Variants in DNASE1 observed in about 807,000 individuals in gnomAD.
DNASE1 encodes the protein deoxyribonuclease-1.
A neutral mutation model predicts 33.9 loss-of-function variants in DNASE1; 40 were observed. The observed-to-expected ratio is 1.18, with a 90% CI of 0.92 to 1.54. DNASE1 has a LOEUF of 1.54. Among genes scored for constraint, DNASE1 ranks in the 40% most tolerant of loss-of-function variants. The pLI, the probability that DNASE1 is intolerant of heterozygous loss-of-function variation, is 0.00. For missense variants in DNASE1, 518 were observed against 372.6 expected, an observed-to-expected ratio of 1.39 and a Z score of -3.21; for synonymous variants, 216 against 160.0, an observed-to-expected ratio of 1.35 and a Z score of -2.64.
At chr16:3,634,861 G>C (rs1054439559) in intron 1 of DNASE1, among the ~76,000 whole-genome samples, 8 of 152,104 alleles carry the variant, frequency 5.3e-5, no homozygotes, top group African/African-American at 1.7e-4. Context: ...ATGTGGCCCA[G>C]GCTAGAGTGC....
chr16:3,661,898 C>A (rs1464349946), downstream of DNASE1: 2 of 1,465,512 alleles, frequency 1.4e-6, no homozygotes, highest in Non-Finnish European at 1.8e-6. Context: ...ACGCACTTTT[C>A]TTCTGTGTCA....
intron 1 of DNASE1, among the ~76,000 whole-genome samples, chr16:3,626,532 A>T (rs2041516247): frequency 6.6e-6 from 1 of 152,084 alleles, no homozygotes; most frequent in Non-Finnish European, 1.5e-5. Context: ...TTGTTTTGTG[A>T]CTTTTATGGC....
chr16:3,614,204 G>A (rs773845416), intron 1 of DNASE1, among the ~76,000 whole-genome samples: 19 of 151,768 alleles, frequency 1.3e-4, no homozygotes, highest in Non-Finnish European at 1.8e-4. Flanking sequence ...GAGCCACCGC[G>A]CCCGGCGTAA....
chr16:3,620,205 C>G (rs140816412), intron 1 of DNASE1, among the ~76,000 whole-genome samples: 2 of 152,142 alleles, frequency 1.3e-5, no homozygotes, highest in Admixed American at 1.3e-4. Flanking sequence ...CATGAGCCAC[C>G]TCGCCAGGCC....
chr16:3,656,311 G>A, intron 4 of DNASE1, 126 bp downstream of exon 4: 2 of 1,090,768 alleles, frequency 1.8e-6, no homozygotes, highest in Non-Finnish European at 2.7e-6. Context: ...AGGGTCCAGG[G>A]TGGAGTGAAA....
chr16:3,637,700 T>TC (rs1444031878), intron 1 of DNASE1, among the ~76,000 whole-genome samples: 1 of 152,214 alleles, frequency 6.6e-6, no homozygotes, highest in East Asian at 1.9e-4. Flanking sequence ...ATGGCTGCTT[T>TC]CCCCCTCCCC....
At chr16:3,634,135 T>A (rs538182483) in intron 1 of DNASE1, among the ~76,000 whole-genome samples, 1 of 151,696 alleles carries the variant, frequency 6.6e-6, no homozygotes, top group South Asian at 2.1e-4. Context: ...GACAGCAATA[T>A]CATAAGGGAC....
At chr16:3,662,909 C>T (rs748175619), downstream of DNASE1, 79 of 1,613,376 alleles carry the variant, frequency 4.9e-5, no homozygotes, top group Non-Finnish European at 6.4e-5. Context: ...GCGACCCCAG[C>T]ACATTTCTCA....
downstream of DNASE1, chr16:3,662,588 T>C (rs989259922): frequency 1.6e-6 from 1 of 617,342 alleles, no homozygotes; most frequent in Admixed American, 2.1e-5. Flanking sequence ...ATGTCCCTTG[T>C]TTGGAACCCC....
At chr16:3,614,650 A>AG (rs1358920006) in intron 1 of DNASE1, among the ~76,000 whole-genome samples, 2 of 152,176 alleles carry the variant, frequency 1.3e-5, no homozygotes, top group Admixed American at 6.5e-5. Flanking sequence ...AGTTAGATAA[A>AG]GGGGGGAGGC....
upstream of DNASE1, among the ~76,000 whole-genome samples, chr16:3,638,056 A>G (rs148902836): frequency 2.8e-4 from 43 of 150,952 alleles, no homozygotes; most frequent in African/African-American, 1.0e-3. Flanking sequence ...TCATTTTTTA[A>G]TGATATTTTT....
chr16:3,649,692 A>G (rs963291888), upstream of DNASE1, among the ~76,000 whole-genome samples: 2 of 152,234 alleles, frequency 1.3e-5, no homozygotes, highest in African/African-American at 4.8e-5. Flanking sequence ...GTAAGCCAAA[A>G]GAAATCCCTG....
At chr16:3,632,022 C>T (rs1005081130) in intron 1 of DNASE1, among the ~76,000 whole-genome samples, 1 of 152,152 alleles carries the variant, frequency 6.6e-6, no homozygotes, top group Non-Finnish European at 1.5e-5. Context: ...GCTTCATCTC[C>T]ACCCCTTTCA....
chr16:3,614,022 C>A (rs2041009789), intron 1 of DNASE1, among the ~76,000 whole-genome samples: 1 of 150,978 alleles, frequency 6.6e-6, no homozygotes, highest in Non-Finnish European at 1.5e-5. Flanking sequence ...ACGCCATTCT[C>A]CTGCCGCAGT....
intron 1 of DNASE1, among the ~76,000 whole-genome samples, chr16:3,625,905 G>A (rs1018759689): frequency 6.6e-6 from 1 of 152,190 alleles, no homozygotes; most frequent in African/African-American, 2.4e-5. Context: ...TTTGAGATCA[G>A]ACTGAGCAAA....
At chr16:3,664,311 G>T (rs1293128455) in exon 10 of DNASE1, 1 of 1,611,148 alleles carries the variant, frequency 6.2e-7, no homozygotes, top group Admixed American at 1.7e-5. Context: ...ATAGTAGGGT[G>T]AGTGCTCTGC....
rs2151242372 is a variant in DNASE1, at chr16:3,663,759, A to G, written c.*5806A>G. 1.4e-5 allele frequency: 9 copies of G among 629,416 alleles called. No homozygotes were observed. The East Asian group carries it at 2.5e-4, about 18-fold the overall frequency. The allele number at this position is 629,416 out of a possible 1,614,324, so 39.0% of individuals were successfully genotyped here. ...GGAAGGCTCTGACTGCCTTCAAGGCAGAAGCACTCCACGCATAAAGAAATC... is the reference window on the plus strand; with the variant it reads ...GGAAGGCTCTGACTGCCTTCAAGGCGGAAGCACTCCACGCATAAAGAAATC... On this transcript the variant is annotated 3_prime_UTR_variant, in exon 10 of 10. Transcript: ENST00000407479.
upstream of DNASE1, chr16:3,650,551 T>C (rs1377857518): frequency 6.6e-6 from 1 of 150,728 alleles, no homozygotes; most frequent in Non-Finnish European, 1.5e-5. Flanking sequence ...CCTTATTCTA[T>C]CTTTTAACTT....
chr16:3,656,929 G>A (rs768127076), intron 5 of DNASE1, 70 bp from the exon 6 acceptor site: 2 of 1,578,546 alleles, frequency 1.3e-6, no homozygotes, highest in African/African-American at 2.7e-5. Context: ...ATGATACATA[G>A]TTCCAGCTGA....
Sources: gnomAD v4.1 joint callset for allele counts (sites outside exome capture counted in the v4.1 genomes callset) on GRCh38, gnomAD v4.1.1 for gene constraint, MANE v1.5 for transcripts, NCBI Gene and HGNC (gene_info 2026-07-23, HGNC 2026-07-21) for gene names.